The following AUTS2 variants were observed in gnomAD, a reference collection of about 807,000 sequenced individuals.
AUTS2 encodes activator of transcription and developmental regulator AUTS2, also known as autism susceptibility gene 2 protein.
In AUTS2, 17 loss-of-function variants were observed where a neutral mutation model predicts 112.4. The ratio of observed to expected loss-of-function variants is 0.15; its 90% confidence interval spans 0.10 to 0.23. AUTS2 has a LOEUF of 0.23. Ranked by LOEUF, AUTS2 falls within the 10% of genes least tolerant of loss-of-function variation. The pLI is 1.00. For missense variants in AUTS2, 1,510 were observed against 1,701.6 expected (o/e 0.89, Z 1.98); for synonymous variants, 751 against 702.7 (o/e 1.07, Z -1.09).
At chr7:70,066,641 C>T (rs574350945) in intron 2 of AUTS2, among the ~76,000 whole-genome samples, 8 of 150,344 alleles carry the variant, frequency 5.3e-5, no homozygotes, top group South Asian at 2.1e-4. Flanking sequence ...CGGGTTCAAG[C>T]GATTCTTCTG....
chr7:70,019,601 C>T (rs1278636282), intron 2 of AUTS2, among the ~76,000 whole-genome samples: 1 of 152,124 alleles, frequency 6.6e-6, no homozygotes, highest in East Asian at 1.9e-4. Flanking sequence ...GCTGAAGCCT[C>T]AGGTCCATCT....
intron 4 of AUTS2, among the ~76,000 whole-genome samples, chr7:70,342,046 G>T (rs1562893506): frequency 3.3e-5 from 5 of 152,176 alleles, no homozygotes. Context: ...CGGGGCCTGG[G>T]ACTACTGGGC....
Position 70,784,932 on chromosome 7 carries a change from G to C in AUTS2, c.2147-10G>C. On this transcript the variant is annotated splice_polypyrimidine_tract_variant and intron_variant, in intron 15 of 18. Coordinates refer to ENST00000342771, the MANE Select transcript of AUTS2 (RefSeq NM_015570.4). ...TGTAAACTCTGGTTTCGTTATGTTTGACTTAACAGGTGCTGCACACCCAAC... is the reference window on the plus strand; with the variant it reads ...TGTAAACTCTGGTTTCGTTATGTTTCACTTAACAGGTGCTGCACACCCAAC... The C allele has an allele frequency of 1.9e-6, 3 of 1,613,882 alleles. No homozygotes were observed. The highest frequency in any genetic ancestry group is 2.5e-6 in the Non-Finnish European group (3 of 1,179,876).
intron 1 of AUTS2, among the ~76,000 whole-genome samples, chr7:69,694,490 G>T (rs1012245620): frequency 1.3e-5 from 2 of 152,136 alleles, no homozygotes; most frequent in Non-Finnish European, 2.9e-5. Flanking sequence ...GATAAGAAAA[G>T]CTCTATGGCC....
chr7:70,065,346 C>T (rs561806694), intron 2 of AUTS2, among the ~76,000 whole-genome samples: 11 of 152,094 alleles, frequency 7.2e-5, no homozygotes, highest in Non-Finnish European at 1.5e-4. Flanking sequence ...AAAAAAACCA[C>T]AAAACTTTGT....
chr7:70,392,242 C>T (rs1480657576), intron 4 of AUTS2, among the ~76,000 whole-genome samples: 1 of 152,096 alleles, frequency 6.6e-6, no homozygotes, highest in African/African-American at 2.4e-5. Context: ...AGTGTACTTC[C>T]TAGCCCATTG....
rs748194880 is a variant in AUTS2, at chr7:70,635,308, C to G, written c.691-63261C>G. ...GTCCTCTCAACTTTGTGACTTACCCCCTTGGCTGCCAGTGAGGCCTTCTGA... is the reference window on the plus strand; with the variant it reads ...GTCCTCTCAACTTTGTGACTTACCCGCTTGGCTGCCAGTGAGGCCTTCTGA... On this transcript the variant is annotated intron_variant, in intron 5 of 18. Transcript: ENST00000342771. 2.0e-5 allele frequency among the ~76,000 whole-genome samples: 3 copies of G among 152,302 alleles called. No homozygotes were observed. In the East Asian group the frequency reaches 5.8e-4, roughly 29 times the overall value.
At chr7:69,762,040 C>A (rs1788205608) in intron 1 of AUTS2, among the ~76,000 whole-genome samples, 1 of 152,052 alleles carries the variant, frequency 6.6e-6, no homozygotes, top group Non-Finnish European at 1.5e-5. Flanking sequence ...GAATTTATAT[C>A]CTAGTGGACT....
chr7:70,491,830 G>C (rs1798258825), intron 5 of AUTS2, among the ~76,000 whole-genome samples: 1 of 152,020 alleles, frequency 6.6e-6, no homozygotes, highest in East Asian at 1.9e-4. Flanking sequence ...GGCCAGACTG[G>C]TCCCTACGTC....
intron 4 of AUTS2, among the ~76,000 whole-genome samples, chr7:70,154,962 C>T (rs1784175859): frequency 6.6e-6 from 1 of 152,156 alleles, no homozygotes; most frequent in African/African-American, 2.4e-5. Context: ...CAGAGCCCCC[C>T]TGGGACCTGC....
chr7:70,278,328 C>T (rs1446529018), intron 4 of AUTS2, among the ~76,000 whole-genome samples: 1 of 152,148 alleles, frequency 6.6e-6, no homozygotes. Flanking sequence ...CCTATAATCC[C>T]AGCACTTTGG....
At chr7:69,965,637 A>G (rs923341592) in intron 2 of AUTS2, among the ~76,000 whole-genome samples, 8 of 152,180 alleles carry the variant, frequency 5.3e-5, no homozygotes, top group African/African-American at 1.9e-4. Context: ...ATTCTGGACA[A>G]AAAGAATACC....
chr7:70,205,571 A>G (rs1810531254), intron 4 of AUTS2, among the ~76,000 whole-genome samples: 1 of 152,236 alleles, frequency 6.6e-6, no homozygotes, highest in South Asian at 2.1e-4. Context: ...GCTATTCAGT[A>G]CAGTAACATG....
intron 4 of AUTS2, among the ~76,000 whole-genome samples, chr7:70,213,884 A>G (rs1375092577): frequency 1.3e-5 from 2 of 152,218 alleles, no homozygotes; most frequent in Non-Finnish European, 2.9e-5. Context: ...GAGTTATTGT[A>G]ATTGTCGTAC....
At chr7:70,170,336 G>A (rs1259553202) in intron 4 of AUTS2, among the ~76,000 whole-genome samples, 1 of 151,786 alleles carries the variant, frequency 6.6e-6, no homozygotes, top group Non-Finnish European at 1.5e-5. Context: ...TATTTTTGTA[G>A]TGTTGGGGCT....
chr7:70,085,299 C>A (rs561043682), intron 2 of AUTS2, among the ~76,000 whole-genome samples: 1 of 151,878 alleles, frequency 6.6e-6, no homozygotes, highest in South Asian at 2.1e-4. Context: ...ACATTTATGT[C>A]TGTGATCCAT....
chr7:70,505,681 G>A (rs908995931), intron 5 of AUTS2, among the ~76,000 whole-genome samples: 2 of 152,190 alleles, frequency 1.3e-5, no homozygotes, highest in Non-Finnish European at 2.9e-5. Flanking sequence ...CCCAGGCTAA[G>A]TCCAGCCGTT....
intron 1 of AUTS2, among the ~76,000 whole-genome samples, chr7:69,780,648 T>G (rs554375895): frequency 2.0e-4 from 31 of 152,310 alleles, no homozygotes; most frequent in African/African-American, 7.2e-4. Flanking sequence ...TGGCTGGAGC[T>G]ACACACAGGA....
At chr7:70,535,617 G>C (rs768599436) in intron 5 of AUTS2, among the ~76,000 whole-genome samples, 16 of 152,026 alleles carry the variant, frequency 1.1e-4, no homozygotes, top group African/African-American at 3.9e-4. Flanking sequence ...GTTTCACCAG[G>C]TTAGCCAGGC....
Sources: allele counts gnomAD v4.1 joint callset (sites outside exome capture counted in the v4.1 genomes callset), GRCh38; gene constraint gnomAD v4.1.1; transcripts MANE v1.5; gene names NCBI Gene and HGNC (gene_info 2026-07-23, HGNC 2026-07-21).